The following HMGXB4 variants were observed in gnomAD, a reference collection of about 807,000 sequenced individuals.
HMGXB4 encodes HMG domain-containing protein 4.
A neutral mutation model predicts 63.9 loss-of-function variants in HMGXB4; 27 were observed. The observed-to-expected ratio is 0.42, with a 90% CI of 0.31 to 0.58. The LOEUF (loss-of-function observed/expected upper bound fraction) is 0.58, where lower values mean the gene tolerates loss of function less well. Among genes scored for constraint, HMGXB4 ranks in the 20% least tolerant of loss-of-function variants. The probability of loss-of-function intolerance (pLI) is 0.13; values close to 1 mark genes in which losing one functional copy is unlikely to be tolerated. For missense variants in HMGXB4, 624 were observed against 700.7 expected (o/e 0.89, Z 1.24); for synonymous variants, 264 against 265.3 (o/e 0.99, Z 0.05).
the HMGXB4 span, among the ~76,000 whole-genome samples, chr22:35,243,056 T>A: frequency 6.6e-6 from 1 of 152,208 alleles, no homozygotes; most frequent in East Asian, 1.9e-4. Flanking sequence ...CATCTTGGCA[T>A]ATATTCTGTT....
At chr22:35,273,907 C>T (rs1166178756) in intron 5 of HMGXB4, among the ~76,000 whole-genome samples, 2 of 152,240 alleles carry the variant, frequency 1.3e-5, no homozygotes, top group African/African-American at 4.8e-5. Flanking sequence ...ACCCAGCCTA[C>T]TTCACTTACA....
chr22:35,265,604 G>GTTT lies in HMGXB4; in HGVS notation c.1215+2_1215+3insTTT. On this transcript the variant is annotated splice_donor_variant, in intron 5 of 10. Coordinates refer to ENST00000216106, the MANE Select transcript of HMGXB4 (RefSeq NM_001003681.3). LOFTEE classifies it high-confidence loss of function. ...CAAAGAGAGAGAGAGAGGAGAAAAG[G>GTTT]TAAAGCATCTTTTAAGTGTGGTGGG... 6.4e-7 allele frequency: 1 copy of GTTT among 1,559,540 alleles called. No individual in the cohort carries two copies. Among genetic ancestry groups the GTTT allele is most frequent in the Non-Finnish European group, 8.7e-7 (1 of 1,155,158 alleles).
chr22:35,277,816 G>A (rs1386627221), intron 5 of HMGXB4, among the ~76,000 whole-genome samples: 2 of 152,086 alleles, frequency 1.3e-5, no homozygotes, highest in African/African-American at 4.8e-5. Context: ...TCCCCCACCA[G>A]ACTAGTACAT....
intron 1 of HMGXB4, 82 bp downstream of exon 1, chr22:35,257,639 C>G (rs1019022901): frequency 6.6e-6 from 1 of 152,660 alleles, no homozygotes; most frequent in East Asian, 1.9e-4. Context: ...CGCCACCCGC[C>G]GCCCTGGGCC....
At chr22:35,279,846 A>G (rs1465953848) in intron 5 of HMGXB4, among the ~76,000 whole-genome samples, 2 of 151,872 alleles carry the variant, frequency 1.3e-5, no homozygotes, top group Non-Finnish European at 2.9e-5. Context: ...CCATTGATGT[A>G]TTTGTGTATT....
intron 5 of HMGXB4, among the ~76,000 whole-genome samples, chr22:35,279,310 G>A (rs1031646325): frequency 2.0e-5 from 3 of 151,814 alleles, no homozygotes; most frequent in Admixed American, 6.6e-5. Context: ...CACCACACCC[G>A]GCTAATTTTG....
In HMGXB4 at chr22:35,265,254, C is replaced by T. The variant is rs1282870567; in HGVS notation, c.866C>T (p.Pro289Leu). The T allele has an allele frequency of 6.2e-7, 1 of 1,613,962 alleles. No homozygotes were observed. Among genetic ancestry groups the T allele is most frequent in the Admixed American group, 1.7e-5 (1 of 60,000 alleles). ...SANLDLSGLE[P>L]ILVESDSSSG... Reference sequence around the variant, plus strand: ...AACCTTGATCTTTCAGGGCTTGAACCTATTCTGGTAGAATCAGACTCATCC... The same window carrying T: ...AACCTTGATCTTTCAGGGCTTGAACTTATTCTGGTAGAATCAGACTCATCC... Residue 289 changes from proline to leucine, a missense_variant, in exon 5 of 11, where the codon CCT (proline) becomes CTT (leucine). Pro to Leu is a moderately conservative substitution (Grantham distance 98). Transcript: ENST00000216106.
chr22:35,285,271 G>A (rs1012194643), intron 6 of HMGXB4, among the ~76,000 whole-genome samples: 10 of 152,290 alleles, frequency 6.6e-5, no homozygotes, highest in South Asian at 4.1e-4. Flanking sequence ...ATAGCTGGGC[G>A]TGGTGGCTCA....
rs1468089023 is a variant in HMGXB4, at chr22:35,262,435, A to G, written c.31+14A>G. The G allele has an allele frequency of 6.2e-6, 10 of 1,612,538 alleles. No individual in the cohort carries two copies. The South Asian group carries it at 1.1e-4, about 18-fold the overall frequency. ...TGAAGAAAGAAGGTATGACCCCATA[A>G]TCTGAGAAGCATTCCAAAGGGGGTA... is the stretch of plus-strand genomic sequence containing the variant. On this transcript the variant is annotated intron_variant, in intron 2 of 10. Transcript: ENST00000216106.
At chr22:35,285,783 C>T (rs1006440771) in intron 6 of HMGXB4, among the ~76,000 whole-genome samples, 4 of 152,066 alleles carry the variant, frequency 2.6e-5, no homozygotes, top group African/African-American at 9.7e-5. Flanking sequence ...AGATGGGTTA[C>T]GAGTTGAGAC....
rs1010338812 is a variant in HMGXB4, at chr22:35,287,238, C to G, written c.1363-109C>G. The G allele has an allele frequency of 6.1e-6, 5 of 815,744 alleles. 1 individual carries two copies. In the South Asian group the frequency reaches 7.9e-5, roughly 13 times the overall value. The allele number at this position is 815,744 out of a possible 1,614,324, so 50.5% of individuals were successfully genotyped here. Reference sequence around the variant, plus strand: ...AGTTAGCATTAACCCTCTGTCTGCCCGCCTCTTACTATTGCCTTTCTTTTC... The same window carrying G: ...AGTTAGCATTAACCCTCTGTCTGCCGGCCTCTTACTATTGCCTTTCTTTTC... On this transcript the variant is annotated intron_variant, in intron 7 of 10. Coordinates refer to ENST00000216106, the MANE Select transcript of HMGXB4 (RefSeq NM_001003681.3).
intron 5 of HMGXB4, among the ~76,000 whole-genome samples, chr22:35,272,654 TAGCC>T (rs1481832910): frequency 3.3e-5 from 5 of 152,150 alleles, no homozygotes. Flanking sequence ...CTTAAAATAA[TAGCC>T]AGGCGTGGTG....
chr22:35,258,940 G>A (rs1265176178), intron 1 of HMGXB4, among the ~76,000 whole-genome samples: 3 of 152,190 alleles, frequency 2.0e-5, no homozygotes, highest in Non-Finnish European at 4.4e-5. Context: ...ATGGGGTGAA[G>A]AAGGTTGTTG....
intron 1 of HMGXB4, among the ~76,000 whole-genome samples, chr22:35,259,806 T>TA: frequency 6.6e-6 from 1 of 152,348 alleles, no homozygotes; most frequent in Non-Finnish European, 1.5e-5. Flanking sequence ...TCTTTTTTCT[T>TA]CAGGTTATTT....
chr22:35,264,743 C>T lies in HMGXB4; in HGVS notation c.355C>T (p.Pro119Ser). 1 of 1,614,114 alleles carries T rather than the reference C, an allele frequency of 6.2e-7. No individual in the cohort carries two copies. The highest frequency in any genetic ancestry group is 8.5e-7 in the Non-Finnish European group (1 of 1,179,992). Reference sequence around the variant, plus strand: ...GGACCTGTTGAAAGCTATCACTTCCCCACTGGCAGCAGGCTCCAAGCCCTC... The same window carrying T: ...GGACCTGTTGAAAGCTATCACTTCCTCACTGGCAGCAGGCTCCAAGCCCTC... ...AMDLLKAITSPLAAGSKPSKK... is the reference protein window; with the variant it reads ...AMDLLKAITSSLAAGSKPSKK... The change falls in exon 5 of 11, where the codon CCA becomes TCA. Residue 119 changes from proline to serine, a missense_variant. Pro to Ser is a moderately conservative substitution (Grantham distance 74, BLOSUM62 -1). Around this residue, in one of 2 missense-constraint regions of HMGXB4, gnomAD observed 472 missense variants for 470.6 expected, o/e 1.00. Transcript: ENST00000216106.
chr22:35,262,295 A>T, intron 1 of HMGXB4, 28 bp from the exon 2 acceptor site: 1 of 1,266,078 alleles, frequency 7.9e-7, no homozygotes, highest in Non-Finnish European at 1.2e-6. Flanking sequence ...TTCGCATTAC[A>T]GGAGGGTTTT....
chr22:35,269,251 G>A (rs1226334594), intron 5 of HMGXB4, among the ~76,000 whole-genome samples: 1 of 152,160 alleles, frequency 6.6e-6, no homozygotes, highest in East Asian at 1.9e-4. Context: ...GGTGGCATGC[G>A]CCTGTAATCT....
At chr22:35,254,772 T>G (rs1041520056), upstream of HMGXB4, among the ~76,000 whole-genome samples, 9 of 152,222 alleles carry the variant, frequency 5.9e-5, no homozygotes, top group Non-Finnish European at 1.0e-4. Flanking sequence ...AGTGCAATGA[T>G]CCAAGACTGG....
chr22:35,246,699 A>G, the HMGXB4 span, among the ~76,000 whole-genome samples: 3 of 152,182 alleles, frequency 2.0e-5, no homozygotes, highest in Non-Finnish European at 4.4e-5. Flanking sequence ...CATCTGGTAT[A>G]TATCAGGCAA....
Sources: gnomAD v4.1 joint callset for allele counts (sites outside exome capture counted in the v4.1 genomes callset) on GRCh38, gnomAD v4.1.1 for gene constraint, gnomAD v4.1.1 regional missense constraint, MANE v1.5 for transcripts, NCBI Gene and HGNC (gene_info 2026-07-23, HGNC 2026-07-21) for gene names.